Variants in SLC24A3 observed in about 807,000 individuals in gnomAD.
SLC24A3 encodes sodium/potassium/calcium exchanger 3.
SLC24A3 carries 28 observed loss-of-function variants against 75.8 expected under a neutral mutation model. The ratio of observed to expected loss-of-function variants is 0.37; its 90% confidence interval spans 0.27 to 0.51. The LOEUF is 0.51. Ranked by LOEUF, SLC24A3 falls within the 20% of genes least tolerant of loss-of-function variation. The probability of loss-of-function intolerance (pLI) is 0.94; values close to 1 mark genes in which losing one functional copy is unlikely to be tolerated. For synonymous variants in SLC24A3, 372 were observed against 334.1 expected (o/e 1.11, Z -1.24); for missense variants, 663 against 847.8 (o/e 0.78, Z 2.71).
chr20:19,529,187 G>A (rs1313162841), intron 3 of SLC24A3, among the ~76,000 whole-genome samples: 2 of 151,812 alleles, frequency 1.3e-5, no homozygotes, highest in African/African-American at 2.4e-5. Context: ...GTATATATGT[G>A]TGTGTGTATA....
At chr20:19,509,172 G>T (rs1013969432) in intron 2 of SLC24A3, among the ~76,000 whole-genome samples, 1 of 152,184 alleles carries the variant, frequency 6.6e-6, no homozygotes, top group East Asian at 1.9e-4. Context: ...CCCATCTACA[G>T]ATGAAGGAAA....
chr20:19,645,346 G>A (rs1446648400), intron 6 of SLC24A3, among the ~76,000 whole-genome samples: 1 of 152,192 alleles, frequency 6.6e-6, no homozygotes, highest in Non-Finnish European at 1.5e-5. Flanking sequence ...AACTGATTGT[G>A]TTCAGCATTG....
intron 4 of SLC24A3, among the ~76,000 whole-genome samples, chr20:19,582,234 C>T (rs760935404): frequency 1.4e-4 from 21 of 152,350 alleles, no homozygotes; most frequent in Admixed American, 2.0e-4. Flanking sequence ...GAGGGCCTCT[C>T]GGCCCTGGAT....
chr20:19,421,657 C>G (rs981871985), intron 2 of SLC24A3, among the ~76,000 whole-genome samples: 4 of 152,106 alleles, frequency 2.6e-5, no homozygotes, highest in Non-Finnish European at 4.4e-5. Context: ...AAAATTTAGG[C>G]TTGCAGACGA....
intron 2 of SLC24A3, among the ~76,000 whole-genome samples, chr20:19,461,544 T>C (rs1457355614): frequency 7.1e-6 from 1 of 141,490 alleles, no homozygotes; most frequent in East Asian, 2.0e-4. Context: ...TTTTTTTTTT[T>C]TTTTTTGAGG....
chr20:19,219,880 G>A (rs912274217), intron 1 of SLC24A3, among the ~76,000 whole-genome samples: 1 of 152,206 alleles, frequency 6.6e-6, no homozygotes, highest in Non-Finnish European at 1.5e-5. Flanking sequence ...TTCAGAGGAG[G>A]TTGTCAGATG....
intron 2 of SLC24A3, among the ~76,000 whole-genome samples, chr20:19,445,615 G>C (rs754415587): frequency 2.6e-5 from 4 of 152,186 alleles, no homozygotes; most frequent in Non-Finnish European, 5.9e-5. Flanking sequence ...AGGCAGCGTA[G>C]AGCACACATG....
chr20:19,279,989 C>G (rs1983611039), intron 1 of SLC24A3, among the ~76,000 whole-genome samples: 2 of 152,328 alleles, frequency 1.3e-5, no homozygotes, highest in South Asian at 4.2e-4. Context: ...CCACTGTTCT[C>G]TGGGTCAAGG....
intron 16 of SLC24A3, among the ~76,000 whole-genome samples, chr20:19,719,105 T>C (rs2033073574): frequency 6.6e-6 from 1 of 152,080 alleles, no homozygotes; most frequent in Non-Finnish European, 1.5e-5. Context: ...AGCTATTGGC[T>C]GAGTCAGGGA....
At chr20:19,678,202 C>T (rs6046240) in intron 9 of SLC24A3, among the ~76,000 whole-genome samples, 3 of 149,508 alleles carry the variant, frequency 2.0e-5, no homozygotes, top group Admixed American at 6.6e-5. Context: ...CATCCTGGCC[C>T]GTTCTCAATG....
chr20:19,215,639 T>C (rs1203748960), intron 1 of SLC24A3, among the ~76,000 whole-genome samples: 1 of 152,144 alleles, frequency 6.6e-6, no homozygotes, highest in Non-Finnish European at 1.5e-5. Flanking sequence ...TCCTGCTCCC[T>C]TCCTTTCTCT....
At chr20:19,561,274 A>G (rs997429816) in intron 3 of SLC24A3, among the ~76,000 whole-genome samples, 2 of 152,216 alleles carry the variant, frequency 1.3e-5, no homozygotes, top group African/African-American at 4.8e-5. Flanking sequence ...AGATGGGCCT[A>G]GATTTAGACA....
At chr20:19,278,946 T>C (rs1305118433) in intron 1 of SLC24A3, among the ~76,000 whole-genome samples, 1 of 152,228 alleles carries the variant, frequency 6.6e-6, no homozygotes, top group Admixed American at 6.5e-5. Flanking sequence ...GGCATTGTGA[T>C]TTCCAGACAC....
intron 2 of SLC24A3, among the ~76,000 whole-genome samples, chr20:19,505,083 C>G (rs146470807): frequency 1.3e-5 from 2 of 152,326 alleles, no homozygotes; most frequent in East Asian, 3.9e-4. Context: ...GTCTATGTAA[C>G]TAATGATTGG....
chr20:19,536,444 T>A (rs2030398232), intron 3 of SLC24A3, among the ~76,000 whole-genome samples: 1 of 152,132 alleles, frequency 6.6e-6, no homozygotes, highest in Non-Finnish European at 1.5e-5. Context: ...GGGTAGGCCA[T>A]ACTGCCCAAG....
chr20:19,678,634 G>A (rs1199815153), intron 9 of SLC24A3, among the ~76,000 whole-genome samples: 1 of 145,622 alleles, frequency 6.9e-6, no homozygotes. Context: ...CTGGCCCCGG[G>A]CGGGGGGCTG....
At chr20:19,307,002 C>T (rs2122254686) in intron 2 of SLC24A3, among the ~76,000 whole-genome samples, 1 of 152,300 alleles carries the variant, frequency 6.6e-6, no homozygotes, top group African/African-American at 2.4e-5. Context: ...TTGAGGTCTT[C>T]TGAGCCTTCT....
intron 2 of SLC24A3, among the ~76,000 whole-genome samples, chr20:19,356,999 G>C (rs1325553457): frequency 6.6e-6 from 1 of 152,182 alleles, no homozygotes; most frequent in Non-Finnish European, 1.5e-5. Flanking sequence ...CCTGGAACCT[G>C]TGAATATTGC....
At chr20:19,452,972 AG>A (rs1194025952) in intron 2 of SLC24A3, among the ~76,000 whole-genome samples, 3 of 152,214 alleles carry the variant, frequency 2.0e-5, no homozygotes, top group African/African-American at 7.2e-5. Context: ...TCACAAGGTC[AG>A]GAGTTCAAGA....
Sources: allele counts gnomAD v4.1 joint callset (sites outside exome capture counted in the v4.1 genomes callset), GRCh38; gene constraint gnomAD v4.1.1; transcripts MANE v1.5; gene names NCBI Gene and HGNC (gene_info 2026-07-23, HGNC 2026-07-21).